PLCE1: variants seen among roughly 807,000 people sequenced by gnomAD.
PLCE1 encodes 1-phosphatidylinositol 4,5-bisphosphate phosphodiesterase epsilon-1.
A neutral mutation model predicts 242.8 loss-of-function variants in PLCE1; 119 were observed. The observed-to-expected ratio is 0.49, with a 90% CI of 0.42 to 0.57. The LOEUF is 0.57. Among genes scored for constraint, PLCE1 ranks in the 20% least tolerant of loss-of-function variants. The pLI, the probability that PLCE1 is intolerant of heterozygous loss-of-function variation, is 0.00. For missense variants in PLCE1, 2,441 were observed against 2,788.8 expected, an observed-to-expected ratio of 0.88 and a Z score of 2.81; for synonymous variants, 945 against 1,017.4, an observed-to-expected ratio of 0.93 and a Z score of 1.35.
chr10:94,028,958 T>A (rs976146096), intron 1 of PLCE1, among the ~76,000 whole-genome samples: 1 of 152,034 alleles, frequency 6.6e-6, no homozygotes, highest in African/African-American at 2.4e-5. Flanking sequence ...TGGGTTATAC[T>A]TAGTAATTCC....
rs141639885 is a variant in PLCE1, at chr10:94,171,416, G to A, written c.1729G>A (p.Ala577Thr). The A allele has an allele frequency of 7.6e-4, 1,231 of 1,614,182 alleles. 11 individuals carry two copies. In the African/African-American group the frequency reaches 0.012, roughly 16 times the overall value. ...ECQSSLPCLKASISASILTTQ... is the reference protein window; with the variant it reads ...ECQSSLPCLKTSISASILTTQ... ...CCAGAGCTCCTTGCCCTGCCTCAAA[G>A]CATCCATCTCAGCGTCGATTCTTAC... The change falls in exon 4 of 33, where the codon GCA becomes ACA. Residue 577 changes from alanine to threonine, a missense_variant. This residue lies in a region of PLCE1 where 733 missense variants were observed against 754.2 expected (regional missense o/e 0.97). Transcript: ENST00000371380.
At chr10:94,304,773 G>C in intron 25 of PLCE1, 128 bp downstream of exon 25, 1 of 849,920 alleles carries the variant, frequency 1.2e-6, no homozygotes, top group South Asian at 1.4e-5. Flanking sequence ...TTAGTTCCCA[G>C]AATAATGTAT....
intron 28 of PLCE1, chr10:94,315,336 T>C: frequency 2.2e-6 from 1 of 451,494 alleles, no homozygotes; most frequent in African/African-American, 2.0e-5. Flanking sequence ...GAAGGGTGTT[T>C]GCTTAATCCA....
At chr10:94,191,104 G>T (rs1237654641) in intron 4 of PLCE1, among the ~76,000 whole-genome samples, 1 of 152,030 alleles carries the variant, frequency 6.6e-6, no homozygotes, top group Non-Finnish European at 1.5e-5. Context: ...AAAGAAAAAA[G>T]AAAAACCAAT....
chr10:94,222,938 A>G (rs4523622), intron 4 of PLCE1, among the ~76,000 whole-genome samples: 55,103 of 151,916 alleles, frequency 0.36, 10,227 homozygotes, highest in East Asian at 0.62. Flanking sequence ...GTGAGTGTGC[A>G]GCCTATGGAC....
chr10:94,325,131 G>C, intron 32 of PLCE1, 27 bp downstream of exon 32: 1 of 1,492,846 alleles, frequency 6.7e-7, no homozygotes, highest in Non-Finnish European at 9.3e-7. Context: ...CACCATCCTG[G>C]AACAGGGCTT....
At chr10:93,996,443 G>T (rs760661730) in intron 1 of PLCE1, among the ~76,000 whole-genome samples, 5 of 152,218 alleles carry the variant, frequency 3.3e-5, no homozygotes, top group Non-Finnish European at 5.9e-5. Context: ...TGGAAGAGGG[G>T]TGGAAGGTTC....
At position 94,047,446 on chromosome 10, in the gene PLCE1, C is replaced by T. The variant is rs112202499; in HGVS notation, c.1206+15194C>T. 6.6e-3 allele frequency among the ~76,000 whole-genome samples: 1,001 copies of T among 152,170 alleles called. 14 individuals are homozygous for T. Among genetic ancestry groups the T allele is most frequent in the African/African-American group, 0.023 (958 of 41,506 alleles). On this transcript the variant is annotated intron_variant, in intron 2 of 32. Coordinates refer to ENST00000371380, the MANE Select transcript of PLCE1 (RefSeq NM_016341.4). Reference sequence around the variant, plus strand: ...CAAAAATAATATTGATTTCTGAGGCCCTTTTGCCATTTTGTTTTAGCCAGT... The same window carrying T: ...CAAAAATAATATTGATTTCTGAGGCTCTTTTGCCATTTTGTTTTAGCCAGT...
At chr10:94,163,326 G>T (rs2136235695) in intron 3 of PLCE1, among the ~76,000 whole-genome samples, 1 of 152,290 alleles carries the variant, frequency 6.6e-6, no homozygotes, top group Admixed American at 6.5e-5. Context: ...CTTGCTTTAT[G>T]AATCTGGGTG....
intron 3 of PLCE1, among the ~76,000 whole-genome samples, chr10:94,133,616 C>T (rs1322033663): frequency 1.3e-5 from 2 of 152,146 alleles, no homozygotes; most frequent in Non-Finnish European, 2.9e-5. Flanking sequence ...ACACACACAC[C>T]CCTAGACAGG....
chr10:94,315,106 G>A (rs2053522237), intron 28 of PLCE1: 2 of 237,918 alleles, frequency 8.4e-6, no homozygotes, highest in South Asian at 5.8e-5. Flanking sequence ...TGTGGAGGTG[G>A]CCCAGAAGCT....
intron 4 of PLCE1, among the ~76,000 whole-genome samples, chr10:94,172,086 G>A (rs541742549): frequency 6.6e-6 from 1 of 152,284 alleles, no homozygotes; most frequent in African/African-American, 2.4e-5. Context: ...CAGTTCTGAA[G>A]AAGACAGGTG....
At chr10:94,125,275 T>C (rs1286768719) in intron 2 of PLCE1, among the ~76,000 whole-genome samples, 1 of 152,224 alleles carries the variant, frequency 6.6e-6, no homozygotes, top group Non-Finnish European at 1.5e-5. Flanking sequence ...ATTACCCCTC[T>C]GTTGAAAGTG....
At chr10:94,189,677 G>A (rs1242613730) in intron 4 of PLCE1, among the ~76,000 whole-genome samples, 2 of 152,144 alleles carry the variant, frequency 1.3e-5, no homozygotes, top group Non-Finnish European at 2.9e-5. Flanking sequence ...AGGGAAAAAT[G>A]GCTCCCAGAT....
intron 8 of PLCE1, among the ~76,000 whole-genome samples, chr10:94,247,537 A>G (rs547117972): frequency 6.6e-6 from 1 of 152,288 alleles, no homozygotes; most frequent in South Asian, 2.1e-4. Flanking sequence ...TTCATTTCCT[A>G]ACATGCTATG....
chr10:94,200,296 A>G (rs1466304200), intron 4 of PLCE1, among the ~76,000 whole-genome samples: 2 of 152,162 alleles, frequency 1.3e-5, no homozygotes, highest in African/African-American at 4.8e-5. Flanking sequence ...ACTAAGGCAG[A>G]AAATATACAG....
chr10:94,089,176 G>A (rs1186201122), intron 2 of PLCE1: 2 of 1,613,908 alleles, frequency 1.2e-6, no homozygotes, highest in Non-Finnish European at 8.5e-7. Context: ...ATTCTGCAAA[G>A]GGATTAAGAT....
In PLCE1 at chr10:93,994,098, T is replaced by C. The variant is rs75639609; in HGVS notation, c.-525T>C. ...GGCTCTGCCTCCCGGGCTCTGCCTC[T>C]CGGGCACTTGCCTGGCTCCTGCGCG... On this transcript the variant is annotated 5_prime_UTR_variant, in exon 1 of 33. Transcript: ENST00000371380. Among the ~76,000 whole-genome samples the C allele has an allele frequency of 0.028, 4,254 of 151,680 alleles. 174 individuals carry two copies. Among genetic ancestry groups the C allele is most frequent in the African/African-American group, 0.098 (4,070 of 41,326 alleles).
At position 94,161,080 on chromosome 10, in the gene PLCE1, G is replaced by C. The variant is rs1475609351; in HGVS notation, c.1493-10100G>C. 2.0e-5 allele frequency among the ~76,000 whole-genome samples: 3 copies of C among 152,262 alleles called. No homozygotes were observed. The East Asian group carries it at 5.8e-4, about 29-fold the overall frequency. ...TGTTCTTTTGGCTTAGGATTGACTT[G>C]GCAATGTGGGCTCTTTTTTGGTTCC... On this transcript the variant is annotated intron_variant, in intron 3 of 32. Transcript: ENST00000371380.
Sources: gnomAD v4.1 joint callset for allele counts (sites outside exome capture counted in the v4.1 genomes callset) on GRCh38, gnomAD v4.1.1 for gene constraint, gnomAD v4.1.1 regional missense constraint, MANE v1.5 for transcripts, NCBI Gene and HGNC (gene_info 2026-07-23, HGNC 2026-07-21) for gene names.